Variants in FABP6 observed in about 807,000 individuals in gnomAD.
FABP6 encodes fatty acid binding protein 6, also known as gastrotropin.
FABP6 carries 13 observed loss-of-function variants against 14.9 expected under a neutral mutation model. That is an observed-to-expected ratio of 0.87 (90% CI 0.57 to 1.39). FABP6 has a LOEUF of 1.39. Ranked by LOEUF, FABP6 falls within the 40% of genes most tolerant of loss-of-function variation. FABP6 has a pLI of 0.00. For missense variants in FABP6, 161 were observed against 167.2 expected, an observed-to-expected ratio of 0.96 and a Z score of 0.20; for synonymous variants, 75 against 63.6, an observed-to-expected ratio of 1.18 and a Z score of -0.85.
chr5:160,195,498 G>A (rs1193435624), intron 1 of FABP6, among the ~76,000 whole-genome samples: 1 of 151,996 alleles, frequency 6.6e-6, no homozygotes, highest in African/African-American at 2.4e-5. Context: ...TCTGTGGCCT[G>A]GCTGAAGTGC....
intron 3 of FABP6, among the ~76,000 whole-genome samples, chr5:160,238,223 ATGGCGTGTGGCCT>A (rs1283730124): frequency 6.6e-6 from 1 of 152,196 alleles, no homozygotes; most frequent in African/African-American, 2.4e-5. Flanking sequence ...TGGTGCAGCC[ATGGCGTGTGGCCT>A]TGGAAGGATT....
exon 1 of FABP6, chr5:160,187,449 A>C (rs1759309375): frequency 6.6e-6 from 1 of 151,722 alleles, no homozygotes; most frequent in African/African-American, 2.4e-5. Flanking sequence ...GTTACAGAGC[A>C]GAAAGGTGAA....
At chr5:160,214,103 CTTT>C (rs1759957125) in intron 3 of FABP6, among the ~76,000 whole-genome samples, 2 of 120,850 alleles carry the variant, frequency 1.7e-5, no homozygotes, top group Admixed American at 8.3e-5. Context: ...TTCTTTCTTT[CTTT>C]CTTTCTTTCT....
intron 1 of FABP6, among the ~76,000 whole-genome samples, chr5:160,195,388 G>A (rs1425668954): frequency 6.6e-6 from 1 of 151,234 alleles, no homozygotes; most frequent in African/African-American, 2.4e-5. Context: ...TTCTTAGTGT[G>A]TATTCACTGC....
Position 160,234,876 on chromosome 5 carries a change from G to A in FABP6, c.300G>A (p.Gln100=), listed in dbSNP as rs771253712. ...KLVVNFPNYH[Q]TSEIVGDKLV... ...TGGTGAATTTCCCCAACTATCACCAGACCTCAGAGATCGTGGGTGACAAGC... is the reference window on the plus strand; with the variant it reads ...TGGTGAATTTCCCCAACTATCACCAAACCTCAGAGATCGTGGGTGACAAGC... Residue 100 remains glutamine (Q), a synonymous_variant, in exon 3 of 4, where the codon CAG becomes CAA. Coordinates refer to ENST00000402432, the MANE Select transcript of FABP6 (RefSeq NM_001445.3). The A allele has an allele frequency of 6.2e-6, 10 of 1,611,280 alleles. No individual in the cohort carries two copies. Among genetic ancestry groups the A allele is most frequent in the Admixed American group, 1.7e-5 (1 of 59,724 alleles).
At chr5:160,233,218 G>A (rs1176869875) in intron 2 of FABP6, among the ~76,000 whole-genome samples, 1 of 151,894 alleles carries the variant, frequency 6.6e-6, no homozygotes, top group Non-Finnish European at 1.5e-5. Flanking sequence ...CTGACCTTGT[G>A]ATCCGCCCAC....
intron 3 of FABP6, among the ~76,000 whole-genome samples, chr5:160,236,440 T>A (rs1281643443): frequency 1.3e-5 from 2 of 152,068 alleles, no homozygotes; most frequent in East Asian, 3.9e-4. Flanking sequence ...TCATATGGGT[T>A]TGGTGGGGGG....
intron 1 of FABP6, among the ~76,000 whole-genome samples, chr5:160,230,838 G>C (rs771904384): frequency 4.6e-5 from 7 of 152,210 alleles, no homozygotes; most frequent in Admixed American, 1.3e-4. Flanking sequence ...ATGGAGACCA[G>C]GTTTGACAAG....
At chr5:160,230,541 C>T (rs1760355609) in intron 1 of FABP6, among the ~76,000 whole-genome samples, 1 of 151,630 alleles carries the variant, frequency 6.6e-6, no homozygotes, top group South Asian at 2.1e-4. Context: ...TTTGTATTTT[C>T]AGTAGAGACG....
intron 2 of FABP6, among the ~76,000 whole-genome samples, chr5:160,200,918 G>C (rs1253728041): frequency 6.6e-6 from 1 of 152,166 alleles, no homozygotes; most frequent in East Asian, 1.9e-4. Context: ...CTTCATGGAG[G>C]CTTCGTCAGT....
chr5:160,238,665 C>T lies in FABP6; in HGVS notation c.*6C>T, dbSNP rs1204069495. 1.2e-6 allele frequency: 2 copies of T among 1,613,632 alleles called. No homozygotes were observed. The highest frequency in any genetic ancestry group is 2.2e-5 in the East Asian group (1 of 44,882). The stretch of plus-strand genomic sequence containing the variant: ...TGAGCAAGAGACTGGCCTAAGCAGC[C>T]AGGCCCGGCCCAGGGAGCTACAAAC... On this transcript the variant is annotated 3_prime_UTR_variant, in exon 4 of 4. Coordinates refer to ENST00000402432, the MANE Select transcript of FABP6 (RefSeq NM_001445.3).
chr5:160,217,102 T>C (rs1011187970), intron 3 of FABP6, among the ~76,000 whole-genome samples: 20 of 152,184 alleles, frequency 1.3e-4, no homozygotes, highest in African/African-American at 4.8e-4. Context: ...GTAAAGCATT[T>C]AGCACAGGAC....
rs376458162 is a variant in FABP6, at chr5:160,232,181, T to A, written c.151T>A (p.Ser51Thr). ...GCAGGATGGGCAGGACTTCACTTGG[T>A]CCCAGCACTACTCCGGGGGCCACAC... ...VQQDGQDFTW[S>T]QHYSGGHTMT... The change falls in exon 2 of 4, where the codon TCC (serine) becomes ACC (threonine). Residue 51 changes from serine (S) to threonine (T), a missense_variant. Physicochemically the swap from Ser to Thr is moderately conservative, Grantham distance 58. Coordinates refer to ENST00000402432, the MANE Select transcript of FABP6 (RefSeq NM_001445.3). The A allele has an allele frequency of 3.1e-6, 5 of 1,613,710 alleles. No homozygotes were observed. In the African/African-American group the frequency reaches 6.7e-5, roughly 22 times the overall value.
chr5:160,222,693 A>T (rs1760154950), intron 3 of FABP6, among the ~76,000 whole-genome samples: 1 of 152,174 alleles, frequency 6.6e-6, no homozygotes, highest in Admixed American at 6.5e-5. Flanking sequence ...CCCCCTTTTT[A>T]TTATAAAAGT....
chr5:160,235,968 C>T (rs773870439), intron 3 of FABP6, among the ~76,000 whole-genome samples: 43 of 151,572 alleles, frequency 2.8e-4, no homozygotes, highest in Non-Finnish European at 5.2e-4. Context: ...TGAGGGCCCC[C>T]GTCCTGGTTT....
intron 3 of FABP6, among the ~76,000 whole-genome samples, chr5:160,223,386 T>C (rs55949687): frequency 7.2e-3 from 272 of 37,762 alleles, no homozygotes; most frequent in African/African-American, 0.036. Flanking sequence ...TCCCTCCCTC[T>C]CTCCTTCCTT....
chr5:160,229,537 G>T lies in FABP6; in HGVS notation c.-21G>T, dbSNP rs377269931. The T allele has an allele frequency of 6.2e-7, 1 of 1,613,876 alleles. No individual in the cohort carries two copies. Among genetic ancestry groups the T allele is most frequent in the East Asian group, 2.2e-5 (1 of 44,880 alleles). Reference sequence around the variant, plus strand: ...CATTCTCCTCATCCCTCTGCTCTCTGGCCTCCAGCCTCCCAGCAGCATGGC... The same window carrying T: ...CATTCTCCTCATCCCTCTGCTCTCTTGCCTCCAGCCTCCCAGCAGCATGGC... On this transcript the variant is annotated 5_prime_UTR_variant, in exon 1 of 4. Transcript: ENST00000402432.
intron 2 of FABP6, among the ~76,000 whole-genome samples, chr5:160,210,808 A>G (rs17057519): frequency 0.071 from 10,760 of 152,310 alleles, 626 homozygotes; most frequent in East Asian, 0.36. Flanking sequence ...AGGCTAAATT[A>G]CAACGAGTGT....
At chr5:160,229,473 G>A, upstream of FABP6, 2 of 1,602,956 alleles carry the variant, frequency 1.2e-6, no homozygotes, top group Admixed American at 3.4e-5. Context: ...GCAACTGGGA[G>A]AGTTTATAAG....
Sources: allele counts gnomAD v4.1 joint callset (sites outside exome capture counted in the v4.1 genomes callset), GRCh38; gene constraint gnomAD v4.1.1; transcripts MANE v1.5; gene names NCBI Gene and HGNC (gene_info 2026-07-23, HGNC 2026-07-21).